FBXO4: variants seen among roughly 807,000 people sequenced by gnomAD.
FBXO4 encodes the protein F-box only protein 4.
A neutral mutation model predicts 43.7 loss-of-function variants in FBXO4; 36 were observed. The observed-to-expected ratio is 0.82, with a 90% confidence interval of 0.63 to 1.09. The LOEUF (loss-of-function observed/expected upper bound fraction) is 1.09. Ranked by LOEUF, FBXO4 falls within the 50% of genes least tolerant of loss-of-function variation. The probability of loss-of-function intolerance (pLI) is 0.00; values close to 1 mark genes in which losing one functional copy is unlikely to be tolerated. For synonymous variants in FBXO4, 180 were observed against 165.6 expected (o/e 1.09, Z -0.67); for missense variants, 435 against 474.1 (o/e 0.92, Z 0.77).
At chr5:41,980,737 G>A in the FBXO4 span, among the ~76,000 whole-genome samples, 4 of 151,304 alleles carry the variant, frequency 2.6e-5, no homozygotes, top group Non-Finnish European at 5.9e-5. Flanking sequence ...TTAAATATAT[G>A]AGAACCACTT....
At chr5:41,967,344 A>G in the FBXO4 span, 1 of 462,742 alleles carries the variant, frequency 2.2e-6, no homozygotes, top group Admixed American at 2.8e-5. Context: ...TTTAGCAGTT[A>G]CAGGATCTTG....
the FBXO4 span, among the ~76,000 whole-genome samples, chr5:42,037,573 C>T: frequency 2.0e-5 from 3 of 152,030 alleles, no homozygotes; most frequent in Admixed American, 6.6e-5. Flanking sequence ...CTCAGAATCA[C>T]GTAGACTCTG....
the FBXO4 span, among the ~76,000 whole-genome samples, chr5:41,971,205 GGTGTGTGTGTGTGTGTGT>G: frequency 4.8e-5 from 7 of 147,368 alleles, no homozygotes; most frequent in African/African-American, 1.2e-4. Context: ...ACTAGAGAGA[GGTGTGTGTGTGTGTGTGT>G]GTGTGTGTGT....
intron 2 of FBXO4, among the ~76,000 whole-genome samples, chr5:41,928,902 C>A (rs1751594302): frequency 6.6e-6 from 1 of 152,132 alleles, no homozygotes; most frequent in Non-Finnish European, 1.5e-5. Flanking sequence ...TGATAAAATG[C>A]ATAATTGGTA....
the FBXO4 span, among the ~76,000 whole-genome samples, chr5:41,948,498 C>A: frequency 2.0e-5 from 3 of 152,136 alleles, no homozygotes; most frequent in Admixed American, 2.0e-4. Context: ...CTTTGTTTAT[C>A]ATAGTCTATC....
At chr5:41,941,103 C>A (rs1751992641) in intron 6 of FBXO4, 89 bp from the exon 7 acceptor site, 1 of 976,068 alleles carries the variant, frequency 1.0e-6, no homozygotes, top group Non-Finnish European at 1.6e-6. Context: ...GTTCTGTTAT[C>A]TTTTTAGTGT....
chr5:41,951,330 C>G, the FBXO4 span: 1 of 216,756 alleles, frequency 4.6e-6, no homozygotes, highest in African/African-American at 2.4e-5. Flanking sequence ...GCGGTTCTTC[C>G]TACCCATTCA....
chr5:41,953,644 C>T, the FBXO4 span, among the ~76,000 whole-genome samples: 13 of 150,990 alleles, frequency 8.6e-5, no homozygotes, highest in African/African-American at 2.9e-4. Context: ...TTCTCCACAT[C>T]CTCTCCAGCA....
chr5:42,025,931 T>G, the FBXO4 span, among the ~76,000 whole-genome samples: 1 of 152,006 alleles, frequency 6.6e-6, no homozygotes, highest in Non-Finnish European at 1.5e-5. Context: ...TCAAACTGTT[T>G]TAGCTACTAT....
chr5:41,989,621 G>A, the FBXO4 span, among the ~76,000 whole-genome samples: 1 of 152,076 alleles, frequency 6.6e-6, no homozygotes, highest in Non-Finnish European at 1.5e-5. Flanking sequence ...TAAAAGATCA[G>A]CAGTAGTCAG....
At chr5:42,032,596 G>C in the FBXO4 span, among the ~76,000 whole-genome samples, 1 of 152,138 alleles carries the variant, frequency 6.6e-6, no homozygotes, top group Non-Finnish European at 1.5e-5. Flanking sequence ...TATGGTGAAT[G>C]CTGCCTGATG....
At chr5:41,943,188 G>A (rs1752028867), downstream of FBXO4, among the ~76,000 whole-genome samples, 1 of 152,086 alleles carries the variant, frequency 6.6e-6, no homozygotes, top group Non-Finnish European at 1.5e-5. Context: ...TCTTATCCAA[G>A]TTAAAAAGAG....
the FBXO4 span, among the ~76,000 whole-genome samples, chr5:42,002,685 T>A: frequency 1.3e-5 from 2 of 152,334 alleles, no homozygotes; most frequent in African/African-American, 2.4e-5. Flanking sequence ...ATCTATACCA[T>A]CTGTCTCTAT....
At chr5:42,009,375 A>G in the FBXO4 span, among the ~76,000 whole-genome samples, 33 of 143,674 alleles carry the variant, frequency 2.3e-4, no homozygotes, top group African/African-American at 5.7e-4. Context: ...GTGTGTGTGT[A>G]TGTGTGTGTG....
chr5:41,979,834 T>A, the FBXO4 span, among the ~76,000 whole-genome samples: 3 of 152,248 alleles, frequency 2.0e-5, no homozygotes, highest in Admixed American at 2.0e-4. Flanking sequence ...TCCTCTCTTA[T>A]TGCTAAAGAC....
chr5:41,944,175 T>C (rs925312027), downstream of FBXO4, among the ~76,000 whole-genome samples: 1 of 152,234 alleles, frequency 6.6e-6, no homozygotes, highest in Non-Finnish European at 1.5e-5. Context: ...TTTGTAACGA[T>C]CTCAGGCTGT....
chr5:41,978,920 G>C, the FBXO4 span, among the ~76,000 whole-genome samples: 2 of 152,110 alleles, frequency 1.3e-5, no homozygotes, highest in African/African-American at 4.8e-5. Flanking sequence ...CATTCCATGA[G>C]AGCCTTAATT....
chr5:41,951,913 TG>T, the FBXO4 span: 1 of 278,370 alleles, frequency 3.6e-6, no homozygotes, highest in Non-Finnish European at 7.0e-6. Context: ...GTAGCTCCAA[TG>T]GCAGCAGTAA....
the FBXO4 span, among the ~76,000 whole-genome samples, chr5:42,028,088 A>C: frequency 6.6e-6 from 1 of 151,726 alleles, no homozygotes; most frequent in African/African-American, 2.4e-5. Context: ...TTCTTTTTTG[A>C]TGTTCTGTCT....
Sources: gnomAD v4.1 joint callset for allele counts (sites outside exome capture counted in the v4.1 genomes callset) on GRCh38, gnomAD v4.1.1 for gene constraint, MANE v1.5 for transcripts, NCBI Gene and HGNC (gene_info 2026-07-23, HGNC 2026-07-21) for gene names.